Variants in NCAPG observed in about 807,000 individuals in gnomAD.
The protein encoded by NCAPG is non-SMC condensin I complex subunit G.
A neutral mutation model predicts 113.1 loss-of-function variants in NCAPG; 69 were observed. The observed-to-expected ratio is 0.61, with a 90% CI of 0.50 to 0.75. NCAPG has a LOEUF of 0.75. NCAPG is among the 30% of genes least tolerant of loss of function. NCAPG has a pLI of 0.00. For missense variants in NCAPG, 1,058 were observed against 1,177.0 expected (o/e 0.90, Z 1.48); for synonymous variants, 370 against 415.8 (o/e 0.89, Z 1.34).
At chr4:17,840,850 G>A (rs1030600194) in intron 19 of NCAPG, among the ~76,000 whole-genome samples, 157 bp downstream of exon 19, 6 of 151,550 alleles carry the variant, frequency 4.0e-5, no homozygotes, top group Non-Finnish European at 8.8e-5. Context: ...TCTTTCTGTG[G>A]ATGTCAGTTT....
intron 11 of NCAPG, 128 bp downstream of exon 11, chr4:17,825,689 T>A: frequency 1.3e-6 from 1 of 771,558 alleles, no homozygotes; most frequent in Non-Finnish European, 1.9e-6. Context: ...TGACATGAAT[T>A]AAAATGAAAA....
At position 17,811,233 on chromosome 4, in the gene NCAPG, C is replaced by G; in HGVS notation, c.111+45C>G. The G allele has an allele frequency of 7.8e-7, 1 of 1,289,942 alleles. No individual in the cohort carries two copies. The allele number at this position is 1,289,942 out of a possible 1,614,324, so 79.9% of individuals were successfully genotyped here. On this transcript the variant is annotated intron_variant, in intron 1 of 20. Coordinates refer to ENST00000251496, the MANE Select transcript of NCAPG (RefSeq NM_022346.5). The surrounding 1 kb of genome is among the most constrained non-coding windows in gnomAD (Gnocchi z 5.3). ...GCCGCCGCCTCTCGCCCGCCCCGGC[C>G]CACCCTCCCTCAGGGGCCCTCCGTG...
In NCAPG at chr4:17,825,066, C is replaced by T; in HGVS notation, c.1473+9C>T. The T allele has an allele frequency of 6.2e-7, 1 of 1,600,242 alleles. No homozygotes were observed. The highest frequency in any genetic ancestry group is 8.6e-7 in the Non-Finnish European group (1 of 1,169,260). On this transcript the variant is annotated intron_variant, in intron 10 of 20. Transcript: ENST00000251496. ...GAAAGAAAGAACTCAAGGTAAGTCT[C>T]TTTTAAATGAAAGAAGTGCTTGAGT...
chr4:17,823,261 A>G (rs1721532287), intron 8 of NCAPG, 138 bp downstream of exon 8: 1 of 662,780 alleles, frequency 1.5e-6, no homozygotes, highest in Middle Eastern at 4.2e-4. Context: ...TCCCTTCTAC[A>G]TATTTCCATA....
Position 17,839,843 on chromosome 4 carries a change from G to T in NCAPG, c.2628+6G>T. The T allele has an allele frequency of 6.4e-7, 1 of 1,573,678 alleles. No homozygotes were observed. Among genetic ancestry groups the T allele is most frequent in the Non-Finnish European group, 8.5e-7 (1 of 1,169,694 alleles). ...TATTGAATGAGATTCTGGAGGTAAA[G>T]TAGTTTCTCATTACTCTAAATTAGT... On this transcript the variant is annotated splice_donor_region_variant and intron_variant, in intron 17 of 20. Transcript: ENST00000251496.
At chr4:17,816,554 A>G (rs1446509905) in intron 5 of NCAPG, among the ~76,000 whole-genome samples, 3 of 152,252 alleles carry the variant, frequency 2.0e-5, no homozygotes, top group Admixed American at 2.0e-4. Flanking sequence ...ACTAATTAGT[A>G]GGATGACCTT....
Position 17,839,857 on chromosome 4 carries a change from C to T in NCAPG, c.2628+20C>T, listed in dbSNP as rs115966796. On this transcript the variant is annotated intron_variant, in intron 17 of 20. Transcript: ENST00000251496. The stretch of plus-strand genomic sequence containing the variant: ...CTGGAGGTAAAGTAGTTTCTCATTA[C>T]TCTAAATTAGTTTGTGTTTATATTT... 7.2e-3 allele frequency: 11,287 copies of T among 1,568,806 alleles called. 61 individuals are homozygous for T. The highest frequency in any genetic ancestry group is 0.017 in the Middle Eastern group (97 of 5,826).
intron 4 of NCAPG, 57 bp downstream of exon 4, chr4:17,815,055 C>T: frequency 1.3e-6 from 2 of 1,587,584 alleles, no homozygotes; most frequent in African/African-American, 2.7e-5. Flanking sequence ...GAGCCATTTT[C>T]TTAAAGTGCC....
intron 11 of NCAPG, among the ~76,000 whole-genome samples, chr4:17,827,270 A>G (rs1163565427): frequency 1.3e-5 from 2 of 152,252 alleles, no homozygotes; most frequent in Non-Finnish European, 2.9e-5. Context: ...AATATTAAAA[A>G]TTTTGTATTC....
rs1560221192 is a variant in NCAPG at position 17,813,133 on chromosome 4, C to T, written c.532C>T (p.Pro178Ser). The change falls in exon 3 of 21, where the codon CCA becomes TCA. Residue 178 changes from proline (P) to serine (S), a missense_variant. Physicochemically the swap from Pro to Ser is moderately conservative, Grantham distance 74. Transcript: ENST00000251496. The stretch of plus-strand genomic sequence containing the variant: ...TCAGGATCCCAAGGATGATGAATGC[C>T]CAGTGGTTAATGGTGTGTGTAGTTT... Reference protein sequence around the residue: ...RLQDPKDDECPVVNAYATLIE... With the variant: ...RLQDPKDDECSVVNAYATLIE... The T allele has an allele frequency of 1.9e-6, 3 of 1,612,850 alleles. No individual in the cohort carries two copies. The highest frequency in any genetic ancestry group is 2.5e-6 in the Non-Finnish European group (3 of 1,179,048).
intron 14 of NCAPG, 50 bp downstream of exon 14, chr4:17,834,573 ATTTG>A (rs779911111): frequency 3.3e-4 from 387 of 1,162,714 alleles, no homozygotes; most frequent in African/African-American, 1.6e-3. Context: ...TTCAGCATGT[ATTTG>A]TTTATTATTA....
At chr4:17,838,249 T>G (rs1379419324) in intron 16 of NCAPG, among the ~76,000 whole-genome samples, 1 of 152,218 alleles carries the variant, frequency 6.6e-6, no homozygotes. Flanking sequence ...TTAAGCTGGG[T>G]TGTTTTAATC....
At chr4:17,843,233 A>AGTT (rs1577220540) in intron 20 of NCAPG, 69 bp from the exon 21 acceptor site, 1 of 1,514,358 alleles carries the variant, frequency 6.6e-7, no homozygotes, top group East Asian at 2.3e-5. Context: ...GAAACAAAAA[A>AGTT]GTTTTATTTA....
intron 13 of NCAPG, among the ~76,000 whole-genome samples, chr4:17,832,628 G>A (rs746172832): frequency 2.0e-5 from 3 of 152,178 alleles, no homozygotes; most frequent in South Asian, 2.1e-4. Flanking sequence ...CCAAGATGGT[G>A]AGATGGAAGT....
At chr4:17,831,412 T>C (rs992765343) in intron 13 of NCAPG, among the ~76,000 whole-genome samples, 4 of 152,162 alleles carry the variant, frequency 2.6e-5, no homozygotes, top group Non-Finnish European at 5.9e-5. Context: ...AGGTAGGTAG[T>C]GAATAAAACA....
At chr4:17,818,381 C>T (rs1721306423) in intron 7 of NCAPG, among the ~76,000 whole-genome samples, 1 of 152,124 alleles carries the variant, frequency 6.6e-6, no homozygotes, top group African/African-American at 2.4e-5. Context: ...TTGGTTGGCA[C>T]ATTTTCTGTT....
In NCAPG at chr4:17,843,321, C is replaced by T. The variant is rs1384731634; in HGVS notation, c.2944C>T (p.Pro982Ser). The change falls in exon 21 of 21, where the codon CCA becomes TCA. Residue 982 changes from proline to serine, a missense_variant. Physicochemically the swap from Pro to Ser is moderately conservative, Grantham distance 74. Transcript: ENST00000251496. Reference sequence around the variant, plus strand: ...ATTTAGTGATCATGAAGTTCCAGAACCAGAATCAGAAATGAAGATGAGACT... The same window carrying T: ...ATTTAGTGATCATGAAGTTCCAGAATCAGAATCAGAAATGAAGATGAGACT... Reference protein sequence around the residue: ...DSESDHEVPEPESEMKMRLPR... With the variant: ...DSESDHEVPESESEMKMRLPR... The T allele has an allele frequency of 1.2e-6, 2 of 1,611,490 alleles. No homozygotes were observed. The highest frequency in any genetic ancestry group is 1.7e-5 in the Admixed American group (1 of 59,926).
chr4:17,819,518 C>T (rs1721361831), intron 7 of NCAPG, among the ~76,000 whole-genome samples: 2 of 152,002 alleles, frequency 1.3e-5, no homozygotes, highest in South Asian at 4.1e-4. Context: ...TCTCTTGCCT[C>T]AGCCTCCTGA....
At chr4:17,840,967 AT>A (rs1307367662) in intron 19 of NCAPG, among the ~76,000 whole-genome samples, 1 of 151,962 alleles carries the variant, frequency 6.6e-6, no homozygotes, top group Non-Finnish European at 1.5e-5. Context: ...TTAAATTAAG[AT>A]TTGGTTAAAT....
Sources: gnomAD v4.1 joint callset for allele counts (sites outside exome capture counted in the v4.1 genomes callset) on GRCh38, gnomAD v4.1.1 for gene constraint, Gnocchi (gnomAD v3.1) non-coding constraint, MANE v1.5 for transcripts, NCBI Gene and HGNC (gene_info 2026-07-23, HGNC 2026-07-21) for gene names.